RPAP2: variants seen among roughly 807,000 people sequenced by gnomAD.
RPAP2 encodes RNA polymerase II associated protein 2, also known as putative RNA polymerase II subunit B1 CTD phosphatase RPAP2.
RPAP2 carries 52 observed loss-of-function variants against 73.1 expected under a neutral mutation model. The ratio of observed to expected loss-of-function variants is 0.71; its 90% CI spans 0.57 to 0.90. The LOEUF (loss-of-function observed/expected upper bound fraction) is 0.90, where lower values mean the gene tolerates loss of function less well. Among genes scored for constraint, RPAP2 ranks in the 40% least tolerant of loss-of-function variants. The probability of loss-of-function intolerance (pLI) is 0.00; values close to 1 mark genes in which losing one functional copy is unlikely to be tolerated. For missense variants in RPAP2, 598 were observed against 701.8 expected (o/e 0.85, Z 1.67); for synonymous variants, 225 against 242.1 (o/e 0.93, Z 0.65).
Position 92,399,949 on chromosome 1 carries a change from A to G in RPAP2, c.*12938A>G, listed in dbSNP as rs558151516. On this transcript the variant is annotated 3_prime_UTR_variant, in exon 13 of 13. Transcript: ENST00000610020. ...ACAAAGAGTCTTGCTACTAGGAAAA[A>G]GAGTTTGAAAATCACTAGTCTAACT... 6.6e-6 allele frequency: 1 copy of G among 152,224 alleles called. No homozygotes were observed. Among genetic ancestry groups the G allele is most frequent in the South Asian group, 2.1e-4 (1 of 4,834 alleles). 9.4% of individuals were successfully genotyped at this position (152,224 alleles called of 1,614,324 possible).
intron 11 of RPAP2, among the ~76,000 whole-genome samples, chr1:92,352,073 C>A (rs1654249933): frequency 6.6e-6 from 1 of 152,092 alleles, no homozygotes; most frequent in African/African-American, 2.4e-5. Context: ...ACATGCTATT[C>A]CTAGTTCTAT....
At chr1:92,331,818 T>TAA (rs2101220735) in intron 8 of RPAP2, among the ~76,000 whole-genome samples, 1 of 152,294 alleles carries the variant, frequency 6.6e-6, no homozygotes, top group East Asian at 1.9e-4. Context: ...CTTCTCTTAG[T>TAA]ATCAGTTGAT....
At position 92,394,205 on chromosome 1, in the gene RPAP2, T is replaced by C. The variant is rs1208179578; in HGVS notation, c.*7194T>C. 6.6e-6 allele frequency: 1 copy of C among 152,116 alleles called. No homozygotes were observed. The highest frequency in any genetic ancestry group is 2.4e-5 in the African/African-American group (1 of 41,396). The allele number at this position is 152,116 out of a possible 1,614,324, so 9.4% of individuals were successfully genotyped here. ...CATGGATAAAGCCGGAAACCATCAT[T>C]CTCAGCAAACTATCACAAGATCAGA... On this transcript the variant is annotated 3_prime_UTR_variant, in exon 13 of 13. Transcript: ENST00000610020.
chr1:92,319,097 C>G (rs1011228853), intron 6 of RPAP2, among the ~76,000 whole-genome samples: 4 of 152,042 alleles, frequency 2.6e-5, no homozygotes, highest in Non-Finnish European at 4.4e-5. Context: ...AGTGGAGATT[C>G]AAGGGATTAG....
chr1:92,318,073 T>C (rs1439432712), intron 6 of RPAP2, among the ~76,000 whole-genome samples: 1 of 152,214 alleles, frequency 6.6e-6, no homozygotes, highest in Non-Finnish European at 1.5e-5. Context: ...TCTTCTGAGT[T>C]GGCAGACCCT....
intron 12 of RPAP2, among the ~76,000 whole-genome samples, chr1:92,384,751 T>A (rs1655794365): frequency 1.3e-5 from 2 of 152,026 alleles, no homozygotes; most frequent in Admixed American, 6.6e-5. Flanking sequence ...TGAGCTTGGG[T>A]TGGTTTGTAT....
chr1:92,380,389 A>G (rs945262819), intron 11 of RPAP2, among the ~76,000 whole-genome samples: 1 of 152,218 alleles, frequency 6.6e-6, no homozygotes, highest in Non-Finnish European at 1.5e-5. Flanking sequence ...TTTTAAAGCA[A>G]TTCTCAGCTC....
rs11164224 is a variant in RPAP2, at chr1:92,356,114, C to T, written c.1688+10200C>T. Among the ~76,000 whole-genome samples the T allele has an allele frequency of 4.3e-3, 661 of 151,964 alleles. 6 individuals carry two copies. Among genetic ancestry groups the T allele is most frequent in the African/African-American group, 0.015 (641 of 41,484 alleles). The stretch of plus-strand genomic sequence containing the variant: ...AACTGTGGGCCTTTTTTTCCTCATC[C>T]AATTTATTCTTTACATTTTATTTAT... On this transcript the variant is annotated intron_variant, in intron 11 of 12. Transcript: ENST00000610020.
In RPAP2 at chr1:92,345,552, TAATC is replaced by T. The variant is rs370643997; in HGVS notation, c.1620-291_1620-288del. 2.5e-3 allele frequency among the ~76,000 whole-genome samples: 383 copies of T among 152,076 alleles called. 3 individuals are homozygous for T. The highest frequency in any genetic ancestry group is 9.2e-3 in the South Asian group (44 of 4,808). On this transcript the variant is annotated intron_variant, in intron 10 of 12. Coordinates refer to ENST00000610020, the MANE Select transcript of RPAP2 (RefSeq NM_024813.3). ...ATGTTTGTTGGGGATATGTGTGTTT[TAATC>T]AAGCAATTTAGTTTCCCACATTGTT...
intron 6 of RPAP2, among the ~76,000 whole-genome samples, chr1:92,318,345 G>A (rs748461469): frequency 6.5e-4 from 99 of 152,200 alleles, no homozygotes; most frequent in Middle Eastern, 3.2e-3. Context: ...TGGTGGAACT[G>A]AGGCTCAGAG....
chr1:92,322,485 A>G (rs926582663), intron 7 of RPAP2, among the ~76,000 whole-genome samples: 5 of 151,768 alleles, frequency 3.3e-5, no homozygotes, highest in African/African-American at 1.2e-4. Flanking sequence ...CAGAGGTTGC[A>G]GTGAACCGAG....
chr1:92,315,041 C>T (rs1205514902), intron 6 of RPAP2, among the ~76,000 whole-genome samples: 3 of 151,600 alleles, frequency 2.0e-5, no homozygotes, highest in East Asian at 3.9e-4. Context: ...GAGACTCTGT[C>T]TCAAAATCAT....
In RPAP2 at chr1:92,345,831, TTATC is replaced by T. The variant is rs767981920; in HGVS notation, c.1620-9_1620-6del. On this transcript the variant is annotated splice_polypyrimidine_tract_variant and intron_variant, in intron 10 of 12. Transcript: ENST00000610020. ...AAAGGTAACACTCCTTGGATAAATT[TTATC>T]TATCTTTCAGGTTAACAAATAGAAA... The T allele has an allele frequency of 5.4e-6, 8 of 1,475,208 alleles. No homozygotes were observed. The South Asian group carries it at 5.8e-5, about 11-fold the overall frequency. 91.4% of individuals were successfully genotyped at this position (1,475,208 alleles called of 1,614,324 possible).
chr1:92,375,751 AACCC>A (rs1305074549), intron 11 of RPAP2, among the ~76,000 whole-genome samples: 1 of 152,142 alleles, frequency 6.6e-6, no homozygotes. Context: ...GAATCACTTG[AACCC>A]AAGAGGCGGA....
chr1:92,339,114 A>C (rs1433397092), intron 10 of RPAP2, among the ~76,000 whole-genome samples: 3 of 152,160 alleles, frequency 2.0e-5, no homozygotes, highest in African/African-American at 7.2e-5. Flanking sequence ...TATATTTTTT[A>C]GAACAATATT....
chr1:92,305,555 T>C (rs552761448), intron 5 of RPAP2, among the ~76,000 whole-genome samples: 1 of 149,906 alleles, frequency 6.7e-6, no homozygotes, highest in Admixed American at 6.6e-5. Context: ...TATATTAAAA[T>C]GTAAAACTTT....
At position 92,336,434 on chromosome 1, in the gene RPAP2, GT is replaced by G. The variant is rs755462148; in HGVS notation, c.1619+10del. 32 of 1,544,168 alleles carry G rather than the reference GT, an allele frequency of 2.1e-5. 1 individual carries two copies. The highest frequency in any genetic ancestry group is 3.5e-4 in the Middle Eastern group (2 of 5,746). Reference sequence around the variant, plus strand: ...ATCTTGTTCGAACTTTCAGGTTAGTGTTTATATTACAATTATCCTTCTCAAT... The same window carrying G: ...ATCTTGTTCGAACTTTCAGGTTAGTGTTATATTACAATTATCCTTCTCAAT... On this transcript the variant is annotated splice_region_variant and intron_variant, in intron 10 of 12. Coordinates refer to ENST00000610020, the MANE Select transcript of RPAP2 (RefSeq NM_024813.3).
At chr1:92,303,906 G>A in intron 3 of RPAP2, 71 bp from the exon 4 acceptor site, 1 of 946,438 alleles carries the variant, frequency 1.1e-6, no homozygotes, top group Admixed American at 2.4e-5. Flanking sequence ...TAAGATTGAT[G>A]AGGCTTAGAG....
Position 92,390,001 on chromosome 1 carries a change from C to G in RPAP2, c.*2990C>G, listed in dbSNP as rs947456431. 2 of 152,186 alleles carry G rather than the reference C, an allele frequency of 1.3e-5. No individual in the cohort carries two copies. Among genetic ancestry groups the G allele is most frequent in the Non-Finnish European group, 2.9e-5 (2 of 68,056 alleles). The allele number at this position is 152,186 out of a possible 1,614,324, so 9.4% of individuals were successfully genotyped here. A position where few individuals can be genotyped will look rare whatever the true frequency, so the allele number is the denominator to read the frequency against. ...ATATTATCCAGGAGAGCTTCCCCAA[C>G]CTAGCAAGGAAGGCCAACATTCAAA... On this transcript the variant is annotated 3_prime_UTR_variant, in exon 13 of 13. Coordinates refer to ENST00000610020, the MANE Select transcript of RPAP2 (RefSeq NM_024813.3).
Sources: allele counts gnomAD v4.1 joint callset (sites outside exome capture counted in the v4.1 genomes callset), GRCh38; gene constraint gnomAD v4.1.1; transcripts MANE v1.5; gene names NCBI Gene and HGNC (gene_info 2026-07-23, HGNC 2026-07-21).